Variants in PCDHGB1 observed in about 807,000 individuals in gnomAD.
PCDHGB1 encodes the protein protocadherin gamma-B1.
In PCDHGB1, 34 loss-of-function variants were observed where a neutral mutation model predicts 56.6. The ratio of observed to expected loss-of-function variants is 0.60; its 90% confidence interval spans 0.46 to 0.80. The LOEUF is 0.80. Ranked by LOEUF, PCDHGB1 falls within the 30% of genes least tolerant of loss-of-function variation. PCDHGB1 has a pLI of 0.00. For missense variants in PCDHGB1, 1,278 were observed against 1,204.6 expected, an observed-to-expected ratio of 1.06 and a Z score of -0.90; for synonymous variants, 561 against 505.9, an observed-to-expected ratio of 1.11 and a Z score of -1.46.
rs1378140695 is a variant in PCDHGB1, at chr5:141,485,189, A to G, written c.2410-9618A>G. On this transcript the variant is annotated intron_variant, in intron 1 of 3. Transcript: ENST00000523390. The surrounding 1 kb of genome is among the most constrained non-coding windows in gnomAD (Gnocchi z 5.7). ...GGCGGCAGCAATGCTCCGCAAGGTGAGAAGCTGGACAGAAATCTGGCGGTG... is the reference window on the plus strand; with the variant it reads ...GGCGGCAGCAATGCTCCGCAAGGTGGGAAGCTGGACAGAAATCTGGCGGTG... 1 of 1,613,726 alleles carries G rather than the reference A, an allele frequency of 6.2e-7. No homozygotes were observed. The highest frequency in any genetic ancestry group is 1.7e-5 in the Admixed American group (1 of 60,020).
intron 1 of PCDHGB1, chr5:141,404,489 G>C: frequency 6.2e-7 from 1 of 1,613,796 alleles, no homozygotes; most frequent in Non-Finnish European, 8.5e-7. Flanking sequence ...AGACACTGGT[G>C]TGCTGTATGC....
At chr5:141,366,901 T>C in intron 1 of PCDHGB1, 1 of 1,189,700 alleles carries the variant, frequency 8.4e-7, no homozygotes, top group Non-Finnish European at 1.2e-6. Flanking sequence ...AATTCATGCT[T>C]TCTCCATTTG....
rs1225473275 is a variant in PCDHGB1 at position 141,512,442 on chromosome 5, TC to T, written c.*1271del. ...GGCCCCTGCCCTCCTGAAGCCTCAG[TC>T]CTTCACCTTGCCAGGTGCCGTTTCT... is the stretch of plus-strand genomic sequence containing the variant. On this transcript the variant is annotated 3_prime_UTR_variant, in exon 4 of 4. Transcript: ENST00000523390. 1 of 152,892 alleles carries T rather than the reference TC, an allele frequency of 6.5e-6. No individual in the cohort carries two copies. Among genetic ancestry groups the T allele is most frequent in the African/African-American group, 2.4e-5 (1 of 41,466 alleles). 9.5% of individuals were successfully genotyped at this position (152,892 alleles called of 1,614,324 possible).
Position 141,404,163 on chromosome 5 carries a change from T to C in PCDHGB1, c.2409+51494T>C, listed in dbSNP as rs372897104. The C allele has an allele frequency of 4.6e-5, 74 of 1,613,126 alleles. No homozygotes were observed. The South Asian group carries it at 7.9e-4, about 17-fold the overall frequency. ...AATTCAGAAGAAGATTATTACAGATTGTTGACGGCCCAAATTCTTGACCGA... is the reference window on the plus strand; with the variant it reads ...AATTCAGAAGAAGATTATTACAGATCGTTGACGGCCCAAATTCTTGACCGA... On this transcript the variant is annotated intron_variant, in intron 1 of 3. Transcript: ENST00000523390.
In PCDHGB1 at chr5:141,491,105, C is replaced by T; in HGVS notation, c.2410-3702C>T. ...ACAGCCCCAGGACTGTTCCTCGTGTCTACACACACTGGTGAGGTGCGCACA... is the reference window on the plus strand; with the variant it reads ...ACAGCCCCAGGACTGTTCCTCGTGTTTACACACACTGGTGAGGTGCGCACA... On this transcript the variant is annotated intron_variant, in intron 1 of 3. Transcript: ENST00000523390. This position sits in a 1 kb window ranked among gnomAD's most constrained non-coding sequence, Gnocchi z 6.9. 1 of 1,614,222 alleles carries T rather than the reference C, an allele frequency of 6.2e-7. No individual in the cohort carries two copies. Among genetic ancestry groups the T allele is most frequent in the Non-Finnish European group, 8.5e-7 (1 of 1,180,032 alleles).
chr5:141,391,083 G>A (rs974357992), intron 1 of PCDHGB1: 1 of 152,152 alleles, frequency 6.6e-6, no homozygotes, highest in East Asian at 1.9e-4. Context: ...ATGTGTAACT[G>A]CCTTATCTGC....
In PCDHGB1 at chr5:141,462,417, A is replaced by G. The variant is rs184240612; in HGVS notation, c.2410-32390A>G. 4.0e-4 allele frequency among the ~76,000 whole-genome samples: 61 copies of G among 152,300 alleles called. 1 individual carries two copies. The highest frequency in any genetic ancestry group is 3.2e-3 in the Admixed American group (49 of 15,300). ...TCTTTTATGGCACAGAATATGGTCT[A>G]TCTTGGTGAGTGTTGCTTACACACA... On this transcript the variant is annotated intron_variant, in intron 1 of 3. Transcript: ENST00000523390.
At chr5:141,390,163 C>T (rs376391116) in intron 1 of PCDHGB1, 27 of 1,613,874 alleles carry the variant, frequency 1.7e-5, no homozygotes, top group African/African-American at 2.7e-5. Flanking sequence ...ACAGGAAAGA[C>T]GGAGTTTAAT....
At chr5:141,466,929 T>C (rs2099132302) in intron 1 of PCDHGB1, among the ~76,000 whole-genome samples, 1 of 152,232 alleles carries the variant, frequency 6.6e-6, no homozygotes, top group African/African-American at 2.4e-5. Context: ...TTAGGAATAT[T>C]AGTCCTTTGT....
At position 141,477,269 on chromosome 5, in the gene PCDHGB1, G is replaced by A; in HGVS notation, c.2410-17538G>A. On this transcript the variant is annotated intron_variant, in intron 1 of 3. Coordinates refer to ENST00000523390, the MANE Select transcript of PCDHGB1 (RefSeq NM_018922.3). This position sits in a 1 kb window ranked among gnomAD's most constrained non-coding sequence, Gnocchi z 4.9. Reference sequence around the variant, plus strand: ...GACTGACCTGGATGCTGGCGAGAACGGGCTGGTGACCTGCGAAGTTCCACC... The same window carrying A: ...GACTGACCTGGATGCTGGCGAGAACAGGCTGGTGACCTGCGAAGTTCCACC... 1.9e-6 allele frequency: 3 copies of A among 1,614,154 alleles called. No individual in the cohort carries two copies. Among genetic ancestry groups the A allele is most frequent in the Non-Finnish European group, 2.5e-6 (3 of 1,180,030 alleles).
At position 141,454,796 on chromosome 5, in the gene PCDHGB1, A is replaced by ATTTTTTTTTTTTTTTTTTTT. The variant is rs61612330; in HGVS notation, c.2410-40001_2410-39982dup. Among the ~76,000 whole-genome samples, 20 of 77,456 alleles carry ATTTTTTTTTTTTTTTTTTTT rather than the reference A, an allele frequency of 2.6e-4. 2 individuals carry two copies. Among genetic ancestry groups the ATTTTTTTTTTTTTTTTTTTT allele is most frequent in the South Asian group, 5.1e-4 (1 of 1,960 alleles). The allele number at this position is 77,456 out of a possible 152,430, so 50.8% of individuals were successfully genotyped here. On this transcript the variant is annotated intron_variant, in intron 1 of 3. Transcript: ENST00000523390. Reference sequence around the variant, plus strand: ...AAGGAAATAATCCTCCATGGTTCTAATTTTTTTTTTTTTTTTTTTTTTTTT... The same window carrying ATTTTTTTTTTTTTTTTTTTT: ...AAGGAAATAATCCTCCATGGTTCTAATTTTTTTTTTTTTTTTTTTTTTTTTTTTTTTTTTTTTTTTTTTTT...
At chr5:141,443,874 A>G (rs2098409122) in intron 1 of PCDHGB1, among the ~76,000 whole-genome samples, 1 of 152,190 alleles carries the variant, frequency 6.6e-6, no homozygotes, top group Non-Finnish European at 1.5e-5. Flanking sequence ...AATTACTGAT[A>G]AGTCAAGAGA....
At chr5:141,356,078 A>C (rs779701115) in intron 1 of PCDHGB1, 6 of 1,613,924 alleles carry the variant, frequency 3.7e-6, no homozygotes, top group Non-Finnish European at 5.1e-6. Context: ...CAGCTATTTC[A>C]GTTGAATTCT....
chr5:141,410,650 T>C (rs781083173), intron 1 of PCDHGB1: 3 of 1,590,604 alleles, frequency 1.9e-6, no homozygotes, highest in Non-Finnish European at 2.6e-6. Context: ...GTGTGATTTA[T>C]CTAATAGTCT....
intron 1 of PCDHGB1, chr5:141,441,943 C>CT: frequency 1.2e-5 from 4 of 336,004 alleles, no homozygotes; most frequent in South Asian, 1.1e-4. Flanking sequence ...CTACCACGTG[C>CT]TGCAGGCCAG....
chr5:141,384,346 G>A (rs992832645), intron 1 of PCDHGB1: 3 of 1,613,746 alleles, frequency 1.9e-6, no homozygotes, highest in Non-Finnish European at 2.5e-6. Context: ...CGACAGTGAG[G>A]ATAATGCCCA....
chr5:141,358,211 G>C (rs1760853496), intron 1 of PCDHGB1, among the ~76,000 whole-genome samples: 1 of 152,100 alleles, frequency 6.6e-6, no homozygotes, highest in South Asian at 2.1e-4. Flanking sequence ...ATAAAATAAA[G>C]TAAAATAAAG....
chr5:141,436,813 G>A (rs537103294), intron 1 of PCDHGB1, among the ~76,000 whole-genome samples: 91 of 152,320 alleles, frequency 6.0e-4, no homozygotes, highest in Non-Finnish European at 1.1e-3. Flanking sequence ...TGTGACAGCT[G>A]GTTTAAAAAT....
At chr5:141,390,223 G>T (rs137959577) in intron 1 of PCDHGB1, 3 of 1,614,020 alleles carry the variant, frequency 1.9e-6, no homozygotes, top group East Asian at 2.2e-5. Context: ...ATACTTTGCG[G>T]TGATTCATCT....
Sources: gnomAD v4.1 joint callset for allele counts (sites outside exome capture counted in the v4.1 genomes callset) on GRCh38, gnomAD v4.1.1 for gene constraint, Gnocchi (gnomAD v3.1) non-coding constraint, MANE v1.5 for transcripts, NCBI Gene and HGNC (gene_info 2026-07-23, HGNC 2026-07-21) for gene names.